The following CLPTM1 variants were observed in gnomAD, a reference collection of about 807,000 sequenced individuals.
CLPTM1 encodes CLPTM1 regulator of GABA type A receptor forward trafficking, also known as putative lipid scramblase CLPTM1.
A neutral mutation model predicts 77.3 loss-of-function variants in CLPTM1; 21 were observed. The ratio of observed to expected loss-of-function variants is 0.27; its 90% CI spans 0.19 to 0.39. The LOEUF (loss-of-function observed/expected upper bound fraction) is 0.39, where lower values mean the gene tolerates loss of function less well. Among genes scored for constraint, CLPTM1 ranks in the 10% least tolerant of loss-of-function variants. CLPTM1 has a pLI of 1.00. For missense variants in CLPTM1, 642 were observed against 921.2 expected (o/e 0.70, Z 3.92); for synonymous variants, 373 against 381.0 (o/e 0.98, Z 0.24).
At chr19:44,986,626 C>A in intron 7 of CLPTM1, 51 bp downstream of exon 7, 1 of 1,594,034 alleles carries the variant, frequency 6.3e-7, no homozygotes, top group South Asian at 1.1e-5. Flanking sequence ...AGAGGGTGCT[C>A]GGGGTCCATC....
chr19:44,955,589 G>T, intron 1 of CLPTM1, 122 bp downstream of exon 1: 6 of 890,370 alleles, frequency 6.7e-6, no homozygotes, highest in Non-Finnish European at 4.3e-6. Flanking sequence ...GAGGGACCTT[G>T]AATACCCGGC....
At position 44,990,658 on chromosome 19, in the gene CLPTM1, T is replaced by G; in HGVS notation, c.1323+73T>G. The G allele has an allele frequency of 2.6e-6, 4 of 1,521,466 alleles. No individual in the cohort carries two copies. Among genetic ancestry groups the G allele is most frequent in the Non-Finnish European group, 3.6e-6 (4 of 1,107,386 alleles). The allele number at this position is 1,521,466 out of a possible 1,614,324, so 94.2% of individuals were successfully genotyped here. ...GGGGTAGTGTGGCCCAGCTGGACCC[T>G]GGAGCTGGCCCCCGGGGGATTCCCA... is the stretch of plus-strand genomic sequence containing the variant. On this transcript the variant is annotated intron_variant, in intron 10 of 13. Coordinates refer to ENST00000337392, the MANE Select transcript of CLPTM1 (RefSeq NM_001294.4). The surrounding 1 kb of genome is among the most constrained non-coding windows in gnomAD (Gnocchi z 4.8).
rs189594867 is a variant in CLPTM1, at chr19:44,983,257, C to G, written c.587-1961C>G. 3.7e-4 allele frequency among the ~76,000 whole-genome samples: 57 copies of G among 152,210 alleles called. 3 individuals carry two copies. The East Asian group carries it at 9.9e-3, about 26-fold the overall frequency. On this transcript the variant is annotated intron_variant, in intron 5 of 13. Transcript: ENST00000337392. ...GTCTCTTTCCCCTTTCCCTGTCTCT[C>G]CCTGGCCCCAGGGGACAGGATAGAG... is the stretch of plus-strand genomic sequence containing the variant.
chr19:44,976,662 A>AG (rs1970810302), intron 4 of CLPTM1, among the ~76,000 whole-genome samples: 1 of 152,138 alleles, frequency 6.6e-6, no homozygotes, highest in Admixed American at 6.5e-5. Flanking sequence ...AAGTGAGAAT[A>AG]GTCCCCCTTC....
intron 5 of CLPTM1, among the ~76,000 whole-genome samples, chr19:44,979,794 G>A (rs938336723): frequency 6.6e-6 from 1 of 152,102 alleles, no homozygotes; most frequent in African/African-American, 2.4e-5. Flanking sequence ...GCTTGAGGGG[G>A]TGTGACCTAC....
chr19:44,974,380 C>G, intron 3 of CLPTM1, 59 bp from the exon 4 acceptor site: 1 of 1,548,864 alleles, frequency 6.5e-7, no homozygotes, highest in Non-Finnish European at 8.8e-7. Context: ...AGCTCTTTAG[C>G]CAGCCTGCAG....
intron 2 of CLPTM1, among the ~76,000 whole-genome samples, chr19:44,968,955 G>A (rs1265516877): frequency 6.6e-6 from 1 of 152,174 alleles, no homozygotes; most frequent in Non-Finnish European, 1.5e-5. Context: ...CCAGGGCCTT[G>A]TGGCTTCTAC....
At position 44,992,947 on chromosome 19, in the gene CLPTM1, G is replaced by C. The variant is rs374601780; in HGVS notation, c.*50G>C. On this transcript the variant is annotated 3_prime_UTR_variant, in exon 14 of 14. Coordinates refer to ENST00000337392, the MANE Select transcript of CLPTM1 (RefSeq NM_001294.4). This position sits in a 1 kb window ranked among gnomAD's most constrained non-coding sequence, Gnocchi z 7.7. ...GGCTCCTGGCGACCACTACCCCTGC[G>C]TCCCGGCCCCCTCGCCTCCCCTCCC... 2 of 1,582,802 alleles carry C rather than the reference G, an allele frequency of 1.3e-6. No homozygotes were observed. Among genetic ancestry groups the C allele is most frequent in the South Asian group, 2.3e-5 (2 of 88,766 alleles).
chr19:44,974,488 C>T lies in CLPTM1; in HGVS notation c.359C>T (p.Ala120Val). The change falls in exon 4 of 14, where the codon GCC (alanine) becomes GTC (valine). Residue 120 changes from alanine to valine, a missense_variant. Transcript: ENST00000337392. Reference sequence around the variant, plus strand: ...CACGAGCACTTTACAGACTTCAACGCCACGTCGGCACTCTTCTGGGAACAG... The same window carrying T: ...CACGAGCACTTTACAGACTTCAACGTCACGTCGGCACTCTTCTGGGAACAG... ...SEHEHFTDFN[A>V]TSALFWEQHD... The T allele has an allele frequency of 1.2e-6, 2 of 1,614,180 alleles. No homozygotes were observed. Among genetic ancestry groups the T allele is most frequent in the Non-Finnish European group, 1.7e-6 (2 of 1,180,038 alleles).
At chr19:44,955,200 G>T, upstream of CLPTM1, 1 of 1,532,454 alleles carries the variant, frequency 6.5e-7, no homozygotes, top group Non-Finnish European at 8.7e-7. Flanking sequence ...CAAACGGGCT[G>T]GGAGAAAGAC....
rs561236248 is a variant in CLPTM1, at chr19:44,991,032, G to A, written c.1419+87G>A. 9.9e-5 allele frequency: 132 copies of A among 1,334,656 alleles called. 3 individuals carry two copies. Among genetic ancestry groups the A allele is most frequent in the African/African-American group, 9.8e-4 (68 of 69,092 alleles). 82.7% of individuals were successfully genotyped at this position (1,334,656 alleles called of 1,614,324 possible). A position where few individuals can be genotyped will look rare whatever the true frequency, so the allele number is the denominator to read the frequency against. On this transcript the variant is annotated intron_variant, in intron 11 of 13. Coordinates refer to ENST00000337392, the MANE Select transcript of CLPTM1 (RefSeq NM_001294.4). The surrounding 1 kb of genome is among the most constrained non-coding windows in gnomAD (Gnocchi z 5.4). ...ACCCGGGGCCGGCCATCTGTCTGCC[G>A]GACCCATGCTTTACAGCCTGTGCCA...
At chr19:44,962,169 C>T in intron 2 of CLPTM1, 94 bp downstream of exon 2, 1 of 683,856 alleles carries the variant, frequency 1.5e-6, no homozygotes, top group Non-Finnish European at 2.4e-6. Context: ...GGATGGTGAT[C>T]ATTACTGTAT....
intron 1 of CLPTM1, among the ~76,000 whole-genome samples, chr19:44,960,944 G>A (rs1165484324): frequency 2.0e-5 from 3 of 152,198 alleles, no homozygotes; most frequent in Non-Finnish European, 4.4e-5. Context: ...GGAGCTAGCA[G>A]GGTGCGTGAA....
intron 2 of CLPTM1, among the ~76,000 whole-genome samples, chr19:44,971,634 C>T (rs1258799001): frequency 6.6e-6 from 1 of 152,096 alleles, no homozygotes; most frequent in Admixed American, 6.6e-5. Flanking sequence ...TCACGTCTCA[C>T]TGCAGCCTTG....
At chr19:44,954,801 A>G (rs1970430846), upstream of CLPTM1, 1 of 1,278,110 alleles carries the variant, frequency 7.8e-7, no homozygotes, top group African/African-American at 1.5e-5. Flanking sequence ...TGGCCGTAAG[A>G]CCCCTGGAAT....
In CLPTM1 at chr19:44,992,330, A is replaced by G; in HGVS notation, c.1653A>G (p.Thr551=). 1.2e-6 allele frequency: 2 copies of G among 1,614,088 alleles called. No individual in the cohort carries two copies. The change falls in exon 13 of 14, where the codon ACA becomes ACG. Residue 551 remains threonine (T), a synonymous_variant. Transcript: ENST00000337392. This position sits in a 1 kb window ranked among gnomAD's most constrained non-coding sequence, Gnocchi z 7.7. The stretch of plus-strand genomic sequence containing the variant: ...TGCTCACCTACAAGGCCCTCAACAC[A>G]TTCATCGACGACCTGTTCGCCTTTG... ...WRMLTYKALN[T]FIDDLFAFVI... is the part of the protein sequence containing the mutation.
intron 1 of CLPTM1, among the ~76,000 whole-genome samples, chr19:44,956,997 G>A (rs77659021): frequency 0.012 from 1,753 of 152,234 alleles, 19 homozygotes; most frequent in Non-Finnish European, 0.02. Context: ...AGCAGCATCC[G>A]TGGCCTCTAC....
chr19:44,964,988 A>G (rs1431561623), intron 2 of CLPTM1, among the ~76,000 whole-genome samples: 8 of 152,078 alleles, frequency 5.3e-5, no homozygotes, highest in African/African-American at 1.9e-4. Flanking sequence ...GCGGGGGAAT[A>G]TGCTTGGCAC....
intron 2 of CLPTM1, among the ~76,000 whole-genome samples, chr19:44,966,400 GAC>G (rs1970629557): frequency 7.2e-6 from 1 of 138,466 alleles, no homozygotes. Context: ...GACAGAGCGA[GAC>G]ACAGTCTCAA....
Sources: allele counts gnomAD v4.1 joint callset (sites outside exome capture counted in the v4.1 genomes callset), GRCh38; gene constraint gnomAD v4.1.1; non-coding constraint Gnocchi (gnomAD v3.1); transcripts MANE v1.5; gene names NCBI Gene and HGNC (gene_info 2026-07-23, HGNC 2026-07-21).